The following VWC2L variants were observed in gnomAD, a reference collection of about 807,000 sequenced individuals.
The protein encoded by VWC2L is von Willebrand factor C domain-containing protein 2-like.
In VWC2L, 10 loss-of-function variants were observed where a neutral mutation model predicts 21.6. That is an observed-to-expected ratio of 0.46 (90% CI 0.29 to 0.78). The LOEUF (loss-of-function observed/expected upper bound fraction) is 0.78, where lower values mean the gene tolerates loss of function less well. Among genes scored for constraint, VWC2L ranks in the 30% least tolerant of loss-of-function variants. VWC2L has a pLI of 0.10. For missense variants in VWC2L, 209 were observed against 277.1 expected (o/e 0.75, Z 1.74); for synonymous variants, 96 against 94.3 (o/e 1.02, Z -0.10).
At chr2:214,501,378 GA>G (rs1458731668) in intron 3 of VWC2L, among the ~76,000 whole-genome samples, 1 of 151,978 alleles carries the variant, frequency 6.6e-6, no homozygotes. Context: ...ATGCCTCCCC[GA>G]ATCCATACCC....
At chr2:214,503,043 G>A (rs1346656008) in intron 3 of VWC2L, among the ~76,000 whole-genome samples, 2 of 152,172 alleles carry the variant, frequency 1.3e-5, no homozygotes, top group Non-Finnish European at 2.9e-5. Flanking sequence ...GCCTTTGCTA[G>A]TATTGGGAAG....
At chr2:214,526,469 A>G (rs966015005) in intron 3 of VWC2L, among the ~76,000 whole-genome samples, 1 of 152,200 alleles carries the variant, frequency 6.6e-6, no homozygotes, top group African/African-American at 2.4e-5. Flanking sequence ...CACAATTACA[A>G]CCTGAGGTAT....
At chr2:214,509,904 A>G (rs1287895459) in intron 3 of VWC2L, among the ~76,000 whole-genome samples, 1 of 152,214 alleles carries the variant, frequency 6.6e-6, no homozygotes, top group African/African-American at 2.4e-5. Context: ...GAAGGAAACA[A>G]ACAAGTTTGA....
At chr2:214,562,048 C>T (rs541841813) in intron 3 of VWC2L, among the ~76,000 whole-genome samples, 93 of 151,832 alleles carry the variant, frequency 6.1e-4, no homozygotes, top group Non-Finnish European at 1.1e-3. Context: ...AGGTTTGTTA[C>T]ATAGGTAAAC....
At chr2:214,515,429 GTATC>G (rs1689125500) in intron 3 of VWC2L, among the ~76,000 whole-genome samples, 1 of 152,198 alleles carries the variant, frequency 6.6e-6, no homozygotes, top group East Asian at 1.9e-4. Context: ...GTGTGCGGCT[GTATC>G]ACAGCATCTT....
At chr2:214,481,747 A>G (rs1688606170) in intron 3 of VWC2L, among the ~76,000 whole-genome samples, 1 of 152,190 alleles carries the variant, frequency 6.6e-6, no homozygotes. Flanking sequence ...ATACTGAAAT[A>G]TTGACTTACA....
At chr2:214,421,258 T>C (rs893902525) in intron 2 of VWC2L, among the ~76,000 whole-genome samples, 5 of 152,344 alleles carry the variant, frequency 3.3e-5, no homozygotes, top group South Asian at 2.1e-4. Context: ...TTGAGTGTTA[T>C]CCTTTTGATA....
chr2:214,562,173 C>T (rs1390603446), intron 3 of VWC2L, among the ~76,000 whole-genome samples: 2 of 151,860 alleles, frequency 1.3e-5, no homozygotes, highest in African/African-American at 2.4e-5. Context: ...CCCAACAGGC[C>T]CCAGTGTGTG....
chr2:214,443,303 C>T (rs1011591729), intron 3 of VWC2L, among the ~76,000 whole-genome samples: 1 of 151,856 alleles, frequency 6.6e-6, no homozygotes, highest in African/African-American at 2.4e-5. Context: ...ACTTGGGAGG[C>T]AGAGGTTGCA....
intron 3 of VWC2L, among the ~76,000 whole-genome samples, chr2:214,519,587 T>C (rs13409248): frequency 0.028 from 4,207 of 152,280 alleles, 201 homozygotes; most frequent in African/African-American, 0.097. Flanking sequence ...AAACAGGAAC[T>C]GGCCACAACA....
intron 3 of VWC2L, among the ~76,000 whole-genome samples, chr2:214,516,654 A>AT (rs200537586): frequency 8.3e-6 from 1 of 120,124 alleles, no homozygotes; most frequent in African/African-American, 3.0e-5. Context: ...GCCTTTTGAA[A>AT]TTAAAAAAAA....
At chr2:214,447,444 T>C (rs1361174152) in intron 3 of VWC2L, among the ~76,000 whole-genome samples, 1 of 152,252 alleles carries the variant, frequency 6.6e-6, no homozygotes, top group East Asian at 1.9e-4. Flanking sequence ...TACTCTCTGA[T>C]GTAGACATGC....
At chr2:214,489,251 C>A (rs1688714290) in intron 3 of VWC2L, among the ~76,000 whole-genome samples, 1 of 152,054 alleles carries the variant, frequency 6.6e-6, no homozygotes, top group African/African-American at 2.4e-5. Flanking sequence ...TAGTGACAGG[C>A]AAATAGCATT....
At chr2:214,439,066 C>T (rs768849024) in intron 3 of VWC2L, among the ~76,000 whole-genome samples, 21 of 151,960 alleles carry the variant, frequency 1.4e-4, no homozygotes, top group Non-Finnish European at 2.7e-4. Flanking sequence ...TTAAATGCCG[C>T]TAGTTAGTCA....
intron 3 of VWC2L, among the ~76,000 whole-genome samples, chr2:214,511,953 C>CACAT (rs1296818319): frequency 7.0e-6 from 1 of 142,288 alleles, no homozygotes; most frequent in African/African-American, 2.6e-5. Context: ...CACACACACA[C>CACAT]CTGGTCATGA....
intron 3 of VWC2L, among the ~76,000 whole-genome samples, chr2:214,520,089 A>ACACACACT (rs1412217535): frequency 6.6e-6 from 1 of 150,992 alleles, no homozygotes; most frequent in African/African-American, 2.5e-5. Context: ...ACACACACAC[A>ACACACACT]CTTATGTAGA....
intron 3 of VWC2L, among the ~76,000 whole-genome samples, chr2:214,509,645 T>C (rs532733936): frequency 6.6e-6 from 1 of 152,324 alleles, no homozygotes; most frequent in African/African-American, 2.4e-5. Flanking sequence ...TCTCCCACCT[T>C]CCTGTGTTTT....
intron 3 of VWC2L, among the ~76,000 whole-genome samples, chr2:214,513,307 C>G (rs777051320): frequency 6.6e-6 from 1 of 152,066 alleles, no homozygotes; most frequent in Non-Finnish European, 1.5e-5. Context: ...TTGGCCCTCC[C>G]AATCAGAAAC....
intron 3 of VWC2L, among the ~76,000 whole-genome samples, chr2:214,438,332 T>A (rs1399827154): frequency 6.6e-6 from 1 of 151,988 alleles, no homozygotes; most frequent in Non-Finnish European, 1.5e-5. Context: ...GAAGAAAAAC[T>A]CAACTACCTA....
Sources: allele counts gnomAD v4.1 joint callset (sites outside exome capture counted in the v4.1 genomes callset), GRCh38; gene constraint gnomAD v4.1.1; transcripts MANE v1.5; gene names NCBI Gene and HGNC (gene_info 2026-07-23, HGNC 2026-07-21).